The following TNFAIP8 variants were observed in gnomAD, a reference collection of about 807,000 sequenced individuals.
The protein encoded by TNFAIP8 is TNF alpha induced protein 8.
A neutral mutation model predicts 13.3 loss-of-function variants in TNFAIP8; 7 were observed. That is an observed-to-expected ratio of 0.52 (90% CI 0.30 to 0.99). The LOEUF (loss-of-function observed/expected upper bound fraction) is 0.99, where lower values mean the gene tolerates loss of function less well. TNFAIP8 is among the 50% of genes least tolerant of loss of function. TNFAIP8 has a pLI of 0.07. For synonymous variants in TNFAIP8, 94 were observed against 87.6 expected, an observed-to-expected ratio of 1.07 and a Z score of -0.41; for missense variants, 258 against 236.9, an observed-to-expected ratio of 1.09 and a Z score of -0.58.
chr5:119,269,345 G>C (rs1213897339), intron 1 of TNFAIP8, among the ~76,000 whole-genome samples: 1 of 152,214 alleles, frequency 6.6e-6, no homozygotes, highest in African/African-American at 2.4e-5. Flanking sequence ...GCTGGCCTGA[G>C]ATTGTAATCC....
chr5:119,380,215 C>A lies in TNFAIP8; in HGVS notation c.32-12601C>A, dbSNP rs369630038. 1.4e-4 allele frequency among the ~76,000 whole-genome samples: 22 copies of A among 152,352 alleles called. No homozygotes were observed. In the East Asian group the frequency reaches 3.5e-3, roughly 24 times the overall value. On this transcript the variant is annotated intron_variant, in intron 1 of 1. Transcript: ENST00000504771. The stretch of plus-strand genomic sequence containing the variant: ...CATTTAAAAGTGTTAGTGAAAATAT[C>A]TTGCAAACTGTAGAGTACTATACAA...
At chr5:119,296,888 T>G (rs1418956766) in intron 1 of TNFAIP8, among the ~76,000 whole-genome samples, 1 of 152,154 alleles carries the variant, frequency 6.6e-6, no homozygotes, top group Non-Finnish European at 1.5e-5. Context: ...TATCCATTTC[T>G]TCTAGATTTT....
chr5:119,292,681 TATATACACACACAC>T (rs1255949197), intron 1 of TNFAIP8, among the ~76,000 whole-genome samples: 3,436 of 40,660 alleles, frequency 0.085, 444 homozygotes, highest in African/African-American at 0.17. Flanking sequence ...TATATATATA[TATATACACACACAC>T]ACAATGAAAT....
intron 1 of TNFAIP8, among the ~76,000 whole-genome samples, chr5:119,364,032 A>C (rs1186578440): frequency 6.6e-6 from 1 of 152,206 alleles, no homozygotes; most frequent in Non-Finnish European, 1.5e-5. Context: ...GCAAGCTTCC[A>C]TGCCTTGTCC....
chr5:119,355,229 C>A, upstream of TNFAIP8: 1 of 691,322 alleles, frequency 1.4e-6, no homozygotes, highest in Non-Finnish European at 2.6e-6. Flanking sequence ...AGGAATTCAT[C>A]CCCAGTTTTT....
At chr5:119,354,315 TC>T (rs1444600564), upstream of TNFAIP8, 1 of 152,184 alleles carries the variant, frequency 6.6e-6, no homozygotes, top group African/African-American at 2.4e-5. Flanking sequence ...TCCAGATGTT[TC>T]TCCTCTTCTC....
intron 1 of TNFAIP8, among the ~76,000 whole-genome samples, chr5:119,342,815 G>A (rs1209247000): frequency 2.0e-5 from 3 of 152,008 alleles, no homozygotes; most frequent in Non-Finnish European, 2.9e-5. Context: ...TTTGGCTGGC[G>A]TTACTTTTTT....
At chr5:119,332,780 C>T (rs1194946698) in intron 1 of TNFAIP8, among the ~76,000 whole-genome samples, 1 of 152,052 alleles carries the variant, frequency 6.6e-6, no homozygotes. Context: ...CAAATGCCCA[C>T]GTAAATAAAC....
chr5:119,274,944 C>A (rs1437852800), intron 1 of TNFAIP8, among the ~76,000 whole-genome samples: 2 of 151,250 alleles, frequency 1.3e-5, no homozygotes, highest in Non-Finnish European at 2.9e-5. Flanking sequence ...ACTTATGTGA[C>A]TCATTTTCCT....
chr5:119,316,771 C>A (rs1185010029), intron 1 of TNFAIP8, among the ~76,000 whole-genome samples: 1 of 152,148 alleles, frequency 6.6e-6, no homozygotes, highest in African/African-American at 2.4e-5. Flanking sequence ...AGAACCAGTG[C>A]TCGAGAACAT....
intron 1 of TNFAIP8, among the ~76,000 whole-genome samples, chr5:119,348,803 C>T (rs146818452): frequency 6.8e-6 from 1 of 146,728 alleles, no homozygotes; most frequent in African/African-American, 2.5e-5. Flanking sequence ...TTGCTTGAAC[C>T]TGGGAGGCAG....
At chr5:119,342,314 A>G (rs1440463422) in intron 1 of TNFAIP8, among the ~76,000 whole-genome samples, 3 of 152,174 alleles carry the variant, frequency 2.0e-5, no homozygotes, top group East Asian at 3.8e-4. Context: ...GCCACTGAAC[A>G]TGAAGAAGGT....
intron 1 of TNFAIP8, among the ~76,000 whole-genome samples, chr5:119,365,989 C>T (rs1268377158): frequency 6.6e-6 from 1 of 151,554 alleles, no homozygotes; most frequent in African/African-American, 2.4e-5. Context: ...CACAGTTCTG[C>T]AGGAACAATG....
intron 1 of TNFAIP8, among the ~76,000 whole-genome samples, chr5:119,376,812 T>G (rs1752300666): frequency 6.6e-6 from 1 of 152,096 alleles, no homozygotes; most frequent in Non-Finnish European, 1.5e-5. Flanking sequence ...AAGGTGATAT[T>G]TGGGAGGGAC....
intron 1 of TNFAIP8, among the ~76,000 whole-genome samples, chr5:119,375,610 T>C (rs1468441401): frequency 6.6e-6 from 1 of 152,226 alleles, no homozygotes; most frequent in Non-Finnish European, 1.5e-5. Flanking sequence ...TTTTTAGTTA[T>C]TTTCTTCAAG....
At chr5:119,368,384 A>AC (rs1751946798) in intron 1 of TNFAIP8, among the ~76,000 whole-genome samples, 1 of 151,312 alleles carries the variant, frequency 6.6e-6, no homozygotes, top group Non-Finnish European at 1.5e-5. Flanking sequence ...TTAAAAAAAA[A>AC]AACCCACACT....
rs61628819 is a variant in TNFAIP8 at position 119,308,854 on chromosome 5, C to CAAA, written c.1+39965_1+39967dup. Among the ~76,000 whole-genome samples the CAAA allele has an allele frequency of 2.4e-4, 14 of 58,098 alleles. No individual in the cohort carries two copies. In the East Asian group the frequency reaches 5.4e-3, roughly 22 times the overall value. The allele number at this position is 58,098 out of a possible 152,430, so 38.1% of individuals were successfully genotyped here. Reference sequence around the variant, plus strand: ...TGGGTTGCAGAGTGAGACTCCATCTCAAAAAAAAAAAAAAAAAAAAGACCA... The same window carrying CAAA: ...TGGGTTGCAGAGTGAGACTCCATCTCAAAAAAAAAAAAAAAAAAAAAAAGACCA... On this transcript the variant is annotated intron_variant, in intron 1 of 1. Transcript: ENST00000274456.
At chr5:119,311,607 T>G (rs952814706) in intron 1 of TNFAIP8, among the ~76,000 whole-genome samples, 2 of 136,938 alleles carry the variant, frequency 1.5e-5, no homozygotes, top group African/African-American at 5.4e-5. Flanking sequence ...GAGAATCACT[T>G]GAACCCAGAA....
intron 1 of TNFAIP8, among the ~76,000 whole-genome samples, chr5:119,323,555 G>A (rs1750127035): frequency 6.6e-6 from 1 of 152,204 alleles, no homozygotes; most frequent in Non-Finnish European, 1.5e-5. Flanking sequence ...CCTTAAAAAT[G>A]TAAATGATTC....
Sources: gnomAD v4.1 joint callset for allele counts (sites outside exome capture counted in the v4.1 genomes callset) on GRCh38, gnomAD v4.1.1 for gene constraint, MANE v1.5 for transcripts, NCBI Gene and HGNC (gene_info 2026-07-23, HGNC 2026-07-21) for gene names.